The following TBL1X variants were observed in gnomAD, a reference collection of about 807,000 sequenced individuals.
TBL1X encodes the protein F-box-like/WD repeat-containing protein TBL1X.
TBL1X carries 10 observed loss-of-function variants against 50.7 expected under a neutral mutation model. That is an observed-to-expected ratio of 0.20 (90% CI 0.12 to 0.33). The LOEUF (loss-of-function observed/expected upper bound fraction) is 0.33. Ranked by LOEUF, TBL1X falls within the 10% of genes least tolerant of loss-of-function variation. The pLI, the probability that TBL1X is intolerant of heterozygous loss-of-function variation, is 1.00. For synonymous variants in TBL1X, 190 were observed against 214.7 expected, an observed-to-expected ratio of 0.88 and a Z score of 1.01; for missense variants, 340 against 504.4, an observed-to-expected ratio of 0.67 and a Z score of 3.12.
intron 14 of TBL1X, 143 bp downstream of exon 14, chrX:9,709,465 CTCAG>C (rs2083230961): frequency 1.0e-6 from 1 of 971,967 alleles, no homozygotes; most frequent in African/African-American, 1.9e-5. Flanking sequence ...GCTACGATTT[CTCAG>C]TCATAGTCCC....
At chrX:9,694,360 GA>G (rs765409779) in intron 11 of TBL1X, among the ~76,000 whole-genome samples, 110 of 111,901 alleles carry the variant, frequency 9.8e-4, no homozygotes, top group African/African-American at 3.4e-3. Flanking sequence ...GTGATTTCAG[GA>G]TAACTTGAAA....
intron 1 of TBL1X, among the ~76,000 whole-genome samples, chrX:9,494,022 A>G (rs1351233394): frequency 9.0e-6 from 1 of 111,345 alleles, no homozygotes. Flanking sequence ...CCACACTGTG[A>G]TTCATCTTCG....
chrX:9,624,454 A>G (rs2082682373), intron 2 of TBL1X, among the ~76,000 whole-genome samples: 1 of 112,311 alleles, frequency 8.9e-6, no homozygotes, highest in Non-Finnish European at 1.9e-5. Flanking sequence ...ACTCTACTGT[A>G]GGTGCCTATA....
chrX:9,512,706 C>G (rs2082062237), intron 2 of TBL1X, among the ~76,000 whole-genome samples: 1 of 110,958 alleles, frequency 9.0e-6, no homozygotes, highest in South Asian at 3.8e-4. Context: ...ACCACGTTGG[C>G]CAGGCTGGTC....
intron 2 of TBL1X, among the ~76,000 whole-genome samples, chrX:9,621,766 A>C (rs1427484537): frequency 8.9e-6 from 1 of 112,020 alleles, no homozygotes; most frequent in African/African-American, 3.3e-5. Flanking sequence ...AAATTAATAC[A>C]AATTTAATGA....
intron 16 of TBL1X, among the ~76,000 whole-genome samples, chrX:9,714,522 GA>G (rs1402535852): frequency 2.7e-5 from 3 of 111,643 alleles, no homozygotes; most frequent in Non-Finnish European, 5.7e-5. Context: ...AAGAGTCAGG[GA>G]TGGCCCTTAC....
At chrX:9,635,232 T>G (rs758641302) in intron 2 of TBL1X, among the ~76,000 whole-genome samples, 2 of 110,891 alleles carry the variant, frequency 1.8e-5, no homozygotes, top group South Asian at 7.8e-4. Context: ...GCACCTCCAC[T>G]TCCAGTTGGG....
chrX:9,596,635 T>A (rs924241105), intron 2 of TBL1X, among the ~76,000 whole-genome samples: 1 of 111,248 alleles, frequency 9.0e-6, no homozygotes, highest in African/African-American at 3.3e-5. Context: ...TCCGAACATG[T>A]CTACAGACAC....
intron 5 of TBL1X, among the ~76,000 whole-genome samples, chrX:9,661,675 C>G (rs1006839780): frequency 9.0e-6 from 1 of 111,472 alleles, no homozygotes; most frequent in Non-Finnish European, 1.9e-5. Context: ...CAAACCCAAG[C>G]ACAGAGATAA....
chrX:9,533,638 G>A (rs2082173205), intron 2 of TBL1X, among the ~76,000 whole-genome samples: 1 of 110,903 alleles, frequency 9.0e-6, no homozygotes, highest in African/African-American at 3.3e-5. Flanking sequence ...GGGACCTATC[G>A]CAGACAGCAG....
At chrX:9,524,414 C>G (rs1472603761) in intron 2 of TBL1X, among the ~76,000 whole-genome samples, 3 of 112,240 alleles carry the variant, frequency 2.7e-5, no homozygotes, top group African/African-American at 9.7e-5. Context: ...GCCCCAGCAC[C>G]CACCCAACTT....
At chrX:9,567,652 C>T (rs1326032101) in intron 2 of TBL1X, among the ~76,000 whole-genome samples, 2 of 112,186 alleles carry the variant, frequency 1.8e-5, no homozygotes, top group Admixed American at 9.4e-5. Context: ...CTTCTTCCCT[C>T]GGATGGATGG....
intron 3 of TBL1X, among the ~76,000 whole-genome samples, chrX:9,648,125 G>GAATCCCA (rs2082814711): frequency 9.0e-6 from 1 of 110,861 alleles, no homozygotes. Context: ...AAGGCTCCCT[G>GAATCCCA]AATCCCACAT....
chrX:9,706,125 C>T (rs997518946), intron 13 of TBL1X, among the ~76,000 whole-genome samples: 1 of 111,973 alleles, frequency 8.9e-6, no homozygotes, highest in African/African-American at 3.2e-5. Flanking sequence ...GAGGCCCCAC[C>T]TCTGCATCAG....
intron 2 of TBL1X, among the ~76,000 whole-genome samples, chrX:9,622,457 TC>T (rs1440784622): frequency 2.7e-5 from 3 of 111,148 alleles, no homozygotes; most frequent in Non-Finnish European, 5.7e-5. Context: ...AGAATTTCAT[TC>T]TTTTTTTTTG....
chrX:9,612,255 A>G (rs1049925498), intron 2 of TBL1X, among the ~76,000 whole-genome samples: 1 of 111,870 alleles, frequency 8.9e-6, no homozygotes, highest in Non-Finnish European at 1.9e-5. Flanking sequence ...AGATACAATT[A>G]CAGGAAGAAT....
intron 5 of TBL1X, among the ~76,000 whole-genome samples, chrX:9,676,624 C>T (rs2082996107): frequency 8.9e-6 from 1 of 111,900 alleles, no homozygotes; most frequent in Non-Finnish European, 1.9e-5. Context: ...CGCTAAATTC[C>T]ATGTTATGGT....
chrX:9,646,586 TC>T (rs1219520814), intron 3 of TBL1X, among the ~76,000 whole-genome samples: 1 of 111,583 alleles, frequency 9.0e-6, no homozygotes, highest in Non-Finnish European at 1.9e-5. Context: ...AAGCAGATCT[TC>T]CAGTGACCCT....
At chrX:9,590,989 G>A (rs752301559) in intron 2 of TBL1X, among the ~76,000 whole-genome samples, 21 of 100,113 alleles carry the variant, frequency 2.1e-4, no homozygotes, top group African/African-American at 7.2e-4. Flanking sequence ...GTGTATGTGT[G>A]GGGGGGATAG....
Sources: allele counts gnomAD v4.1 joint callset (sites outside exome capture counted in the v4.1 genomes callset), GRCh38; gene constraint gnomAD v4.1.1; transcripts MANE v1.5; gene names NCBI Gene and HGNC (gene_info 2026-07-23, HGNC 2026-07-21).